The following TMEM151B variants were observed in gnomAD, a reference collection of about 807,000 sequenced individuals.
TMEM151B encodes transmembrane protein 193.
In TMEM151B, 18 loss-of-function variants were observed where a neutral mutation model predicts 33.0. The observed-to-expected ratio is 0.55, with a 90% CI of 0.38 to 0.81. TMEM151B has a LOEUF of 0.81. Among genes scored for constraint, TMEM151B ranks in the 30% least tolerant of loss-of-function variants. The pLI is 0.00. For synonymous variants in TMEM151B, 354 were observed against 373.6 expected (o/e 0.95, Z 0.61); for missense variants, 672 against 843.4 (o/e 0.80, Z 2.52).
chr6:44,270,530 G>A lies in TMEM151B; in HGVS notation c.-213G>A, dbSNP rs1242926610. ...CAAGGTGACACCCGCCCCCGGCCCCGGCCCCCCCCGGCCCGGCCCCCCAGC... is the reference window on the plus strand; with the variant it reads ...CAAGGTGACACCCGCCCCCGGCCCCAGCCCCCCCCGGCCCGGCCCCCCAGC... On this transcript the variant is annotated 5_prime_UTR_variant, in exon 1 of 3. Transcript: ENST00000451188. The A allele has an allele frequency of 2.5e-5, 2 of 79,174 alleles. No individual in the cohort carries two copies. The highest frequency in any genetic ancestry group is 2.7e-5 in the Non-Finnish European group (1 of 37,686). 4.9% of individuals were successfully genotyped at this position (79,174 alleles called of 1,614,324 possible).
Position 44,273,455 on chromosome 6 carries a change from C to A in TMEM151B, c.525C>A (p.Arg175=). The A allele has an allele frequency of 6.4e-7, 1 of 1,550,876 alleles. No individual in the cohort carries two copies. Among genetic ancestry groups the A allele is most frequent in the South Asian group, 1.2e-5 (1 of 84,054 alleles). Residue 175 remains arginine, a synonymous_variant, in exon 2 of 3, where the codon CGC becomes CGA. Coordinates refer to ENST00000451188, the MANE Select transcript of TMEM151B (RefSeq NM_001137560.2). ...CCATCAGCTACCACTATGTCCGCCG[C>A]ACCCGCCAGGTCACCAGATACCGCA... ...WKAISYHYVR[R]TRQVTRYRNG... is the part of the protein sequence containing the mutation.
intron 1 of TMEM151B, 42 bp from the exon 2 acceptor site, chr6:44,273,024 C>T (rs772177021): frequency 1.4e-6 from 2 of 1,455,510 alleles, no homozygotes; most frequent in Non-Finnish European, 1.8e-6. Flanking sequence ...CCTGCTCTCA[C>T]TTCCCACTCA....
rs1782284604 is a variant in TMEM151B, at chr6:44,270,591, C to G, written c.-152C>G. The G allele has an allele frequency of 5.3e-6, 1 of 188,344 alleles. No individual in the cohort carries two copies. The highest frequency in any genetic ancestry group is 1.1e-5 in the Non-Finnish European group (1 of 93,916). The allele number at this position is 188,344 out of a possible 1,614,324, so 11.7% of individuals were successfully genotyped here. ...CCCTCAGCCCCCAGCCCCTTACTCC[C>G]GGTGCCCTTTCCGGGCCCCCTCCCC... On this transcript the variant is annotated 5_prime_UTR_variant, in exon 1 of 3. Transcript: ENST00000451188.
chr6:44,272,185 C>T (rs639728), intron 1 of TMEM151B, among the ~76,000 whole-genome samples: 72,466 of 151,816 alleles, frequency 0.48, 17,664 homozygotes, highest in Middle Eastern at 0.61. Context: ...AAATAATTTT[C>T]TCTTGATAAA....
intron 2 of TMEM151B, 127 bp downstream of exon 2, chr6:44,273,633 G>A (rs765164314): frequency 1.9e-6 from 2 of 1,040,212 alleles, no homozygotes; most frequent in Non-Finnish European, 2.7e-6. Context: ...GCTCCCATGA[G>A]CATTGCAACA....
rs1178828687 is a variant in TMEM151B at position 44,271,350 on chromosome 6, A to AGTGT, written c.135+489_135+492dup. Among the ~76,000 whole-genome samples the AGTGT allele has an allele frequency of 7.8e-3, 635 of 81,920 alleles. 41 individuals are homozygous for AGTGT. The highest frequency in any genetic ancestry group is 0.014 in the African/African-American group (237 of 17,102). The allele number at this position is 81,920 out of a possible 152,430, so 53.7% of individuals were successfully genotyped here. ...GGGGGTCCCGCCTGTGGTCATTGGG[A>AGTGT]GTGTGTGTGTGTGTGTGTGGGGGGG... is the stretch of plus-strand genomic sequence containing the variant. On this transcript the variant is annotated intron_variant, in intron 1 of 2. Transcript: ENST00000451188.
chr6:44,270,998 C>A (rs1782311552), intron 1 of TMEM151B, 121 bp downstream of exon 1: 3 of 684,974 alleles, frequency 4.4e-6, no homozygotes, highest in Non-Finnish European at 5.4e-6. Context: ...CCGAGCCGGC[C>A]GCTGCAGCCG....
chr6:44,275,705 GC>G lies in TMEM151B; in HGVS notation c.882del (p.Trp295GlyfsTer74). The G allele has an allele frequency of 6.5e-7, 1 of 1,549,964 alleles. No homozygotes were observed. Among genetic ancestry groups the G allele is most frequent in the Non-Finnish European group, 8.7e-7 (1 of 1,146,428 alleles). The stretch of plus-strand genomic sequence containing the variant: ...TGGCCTTCCCGGACCCGGCCCGGCC[GC>G]CCTGGTACGCCTGCTCGTCGGCCTT... ...MVAFPDPARP[P>X]WYACSSAFWA... On this transcript the variant is annotated frameshift_variant, in exon 3 of 3. Transcript: ENST00000451188. LOFTEE classifies it high-confidence loss of function.
chr6:44,273,206 C>T lies in TMEM151B; in HGVS notation c.276C>T (p.Phe92=), dbSNP rs1246411529. The T allele has an allele frequency of 3.9e-6, 6 of 1,550,108 alleles. No homozygotes were observed. Among genetic ancestry groups the T allele is most frequent in the Admixed American group, 2.0e-5 (1 of 50,968 alleles). The part of the protein sequence containing the change: ...CHVTTVTRLT[F]SSAYQGNSLM... ...TCACCACAGTGACGCGCCTCACCTT[C>T]AGCAGCGCCTACCAGGGCAACAGCC... The change falls in exon 2 of 3, where the codon TTC becomes TTT. Residue 92 remains phenylalanine, a synonymous_variant. Coordinates refer to ENST00000451188, the MANE Select transcript of TMEM151B (RefSeq NM_001137560.2).
At chr6:44,273,561 G>A (rs1782451196) in intron 2 of TMEM151B, 55 bp downstream of exon 2, 1 of 1,489,120 alleles carries the variant, frequency 6.7e-7, no homozygotes, top group African/African-American at 1.4e-5. Context: ...GCACTTACGT[G>A]CTGCCTCACT....
Position 44,275,444 on chromosome 6 carries a change from G to A in TMEM151B, c.618G>A (p.Glu206=), listed in dbSNP as rs565577088. ...ERVNTHVAEA[E]FDYARCGVRD... ...TCAACACGCACGTGGCGGAGGCTGA[G>A]TTCGACTACGCGCGCTGCGGCGTTC... Residue 206 remains glutamate, a synonymous_variant, in exon 3 of 3, where the codon GAG becomes GAA. Transcript: ENST00000451188. 3 of 1,538,734 alleles carry A rather than the reference G, an allele frequency of 1.9e-6. No homozygotes were observed. Among genetic ancestry groups the A allele is most frequent in the Non-Finnish European group, 2.6e-6 (3 of 1,138,124 alleles).
chr6:44,275,897 G>C lies in TMEM151B; in HGVS notation c.1071G>C (p.Pro357=). 1.3e-6 allele frequency: 2 copies of C among 1,532,640 alleles called. No individual in the cohort carries two copies. The highest frequency in any genetic ancestry group is 2.5e-5 in the East Asian group (1 of 40,622). 94.9% of individuals were successfully genotyped at this position (1,532,640 alleles called of 1,614,324 possible). ...GLSPSDELLP[P]LTHRLPRVNT... is the part of the protein sequence containing the mutation. ...GCCCCAGCGATGAGCTGCTGCCCCC[G>C]CTCACCCACCGCCTGCCGCGGGTCA... Residue 357 remains proline, a synonymous_variant, in exon 3 of 3, where the codon CCG becomes CCC. Transcript: ENST00000451188.
rs1782584509 is a variant in TMEM151B, at chr6:44,276,273, C to T, written c.1447C>T (p.Arg483Trp). 3.7e-6 allele frequency: 5 copies of T among 1,363,766 alleles called. No individual in the cohort carries two copies. Among genetic ancestry groups the T allele is most frequent in the Non-Finnish European group, 4.7e-6 (5 of 1,059,636 alleles). The allele number at this position is 1,363,766 out of a possible 1,614,324, so 84.5% of individuals were successfully genotyped here. The change falls in exon 3 of 3, where the codon CGG (arginine) becomes TGG (tryptophan). Residue 483 changes from arginine (R) to tryptophan (W), a missense_variant. Arg to Trp is a moderately radical substitution (Grantham distance 101, BLOSUM62 -3). Transcript: ENST00000451188. ...RFSLGRLYGS[R>W]RSCLWRSRSG... ...CTCGCTGGGCCGTCTCTACGGCTCC[C>T]GGCGCAGCTGCCTGTGGCGCAGCCG...
In TMEM151B at chr6:44,277,886, T is replaced by C. The variant is rs1170802497; in HGVS notation, c.*1359T>C. ...TCCCCCCACCACCTCCACCCTGATGTGCTTCAGTGTGCATGTCTGTGAACA... is the reference window on the plus strand; with the variant it reads ...TCCCCCCACCACCTCCACCCTGATGCGCTTCAGTGTGCATGTCTGTGAACA... On this transcript the variant is annotated 3_prime_UTR_variant, in exon 3 of 3. Transcript: ENST00000451188. 1 of 152,668 alleles carries C rather than the reference T, an allele frequency of 6.6e-6. No individual in the cohort carries two copies. The highest frequency in any genetic ancestry group is 2.4e-5 in the African/African-American group (1 of 41,450). The allele number at this position is 152,668 out of a possible 1,614,324, so 9.5% of individuals were successfully genotyped here.
chr6:44,278,142 C>T lies in TMEM151B; in HGVS notation c.*1615C>T, dbSNP rs1431220992. ...TGCACCACCAACTGTGTGGCCTCCACCTATGCAACATCGCCTCTGGCTCCC... is the reference window on the plus strand; with the variant it reads ...TGCACCACCAACTGTGTGGCCTCCATCTATGCAACATCGCCTCTGGCTCCC... On this transcript the variant is annotated 3_prime_UTR_variant, in exon 3 of 3. Transcript: ENST00000451188. 1 of 155,572 alleles carries T rather than the reference C, an allele frequency of 6.4e-6. No individual in the cohort carries two copies. The highest frequency in any genetic ancestry group is 2.4e-5 in the African/African-American group (1 of 41,552). 9.6% of individuals were successfully genotyped at this position (155,572 alleles called of 1,614,324 possible). A position where few individuals can be genotyped will look rare whatever the true frequency, so the allele number is the denominator to read the frequency against.
chr6:44,273,044 C>A, intron 1 of TMEM151B, 22 bp from the exon 2 acceptor site: 1 of 1,472,550 alleles, frequency 6.8e-7, no homozygotes. Flanking sequence ...ATCTTGGCCC[C>A]TCTCCCTGCC....
chr6:44,275,324 G>A, intron 2 of TMEM151B, 79 bp from the exon 3 acceptor site: 10 of 1,440,470 alleles, frequency 6.9e-6, no homozygotes, highest in Non-Finnish European at 9.1e-6. Context: ...CACAGATGGG[G>A]CGGGAAAGGG....
In TMEM151B at chr6:44,277,233, C is replaced by G. The variant is rs16871694; in HGVS notation, c.*706C>G. 28,172 of 152,360 alleles carry G rather than the reference C, an allele frequency of 0.18. 2,772 individuals carry two copies. Among genetic ancestry groups the G allele is most frequent in the Non-Finnish European group, 0.21 (14,075 of 68,090 alleles). 9.4% of individuals were successfully genotyped at this position (152,360 alleles called of 1,614,324 possible). A position where few individuals can be genotyped will look rare whatever the true frequency, so the allele number is the denominator to read the frequency against. ...GTGCTCACTGCACAGACATCACTCACCTTCCGCTCCCCAGTCCTGCAGAGC... is the reference window on the plus strand; with the variant it reads ...GTGCTCACTGCACAGACATCACTCAGCTTCCGCTCCCCAGTCCTGCAGAGC... On this transcript the variant is annotated 3_prime_UTR_variant, in exon 3 of 3. Transcript: ENST00000451188.
At position 44,276,539 on chromosome 6, in the gene TMEM151B, G is replaced by A. The variant is rs748057109; in HGVS notation, c.*12G>A. ...AGACCTCACTGTGACCTCCGGCCCCGGAGTGGCCCGCGCCGTCCTCCCGCC... is the reference window on the plus strand; with the variant it reads ...AGACCTCACTGTGACCTCCGGCCCCAGAGTGGCCCGCGCCGTCCTCCCGCC... On this transcript the variant is annotated 3_prime_UTR_variant, in exon 3 of 3. Coordinates refer to ENST00000451188, the MANE Select transcript of TMEM151B (RefSeq NM_001137560.2). The A allele has an allele frequency of 1.5e-6, 2 of 1,346,896 alleles. No homozygotes were observed. The highest frequency in any genetic ancestry group is 3.1e-5 in the East Asian group (1 of 32,252). 83.4% of individuals were successfully genotyped at this position (1,346,896 alleles called of 1,614,324 possible).
Sources: gnomAD v4.1 joint callset for allele counts (sites outside exome capture counted in the v4.1 genomes callset) on GRCh38, gnomAD v4.1.1 for gene constraint, MANE v1.5 for transcripts, NCBI Gene and HGNC (gene_info 2026-07-23, HGNC 2026-07-21) for gene names.